The following ALK variants were observed in gnomAD, a reference collection of about 807,000 sequenced individuals.
ALK encodes the protein ALK tyrosine kinase receptor.
A neutral mutation model predicts 163.1 loss-of-function variants in ALK; 74 were observed. The ratio of observed to expected loss-of-function variants is 0.45; its 90% CI spans 0.38 to 0.55. The LOEUF is 0.55. ALK is among the 20% of genes least tolerant of loss of function. ALK has a pLI of 0.00. For synonymous variants in ALK, 960 were observed against 843.2 expected (o/e 1.14, Z -2.40); for missense variants, 2,063 against 2,105.3 (o/e 0.98, Z 0.39).
chr2:29,732,158 C>G (rs1679762535), intron 1 of ALK, among the ~76,000 whole-genome samples: 1 of 152,202 alleles, frequency 6.6e-6, no homozygotes, highest in Non-Finnish European at 1.5e-5. Context: ...GACTCATAAC[C>G]AAACCCAGCC....
At chr2:29,727,776 GTCACCTTTGTTGCT>G (rs1400380855) in intron 1 of ALK, among the ~76,000 whole-genome samples, 1 of 152,206 alleles carries the variant, frequency 6.6e-6, no homozygotes, top group East Asian at 1.9e-4. Flanking sequence ...CTGGTGCTAT[GTCACCTTTGTTGCT>G]TCCATTCATC....
intron 4 of ALK, among the ~76,000 whole-genome samples, chr2:29,451,235 T>A (rs1410588864): frequency 1.3e-5 from 2 of 152,144 alleles, no homozygotes; most frequent in African/African-American, 4.8e-5. Flanking sequence ...CTACTGCAAA[T>A]AGATTTCCCA....
chr2:29,538,010 C>A (rs1190358172), intron 3 of ALK, among the ~76,000 whole-genome samples: 1 of 152,216 alleles, frequency 6.6e-6, no homozygotes, highest in Non-Finnish European at 1.5e-5. Context: ...AATGCCTGTA[C>A]CACCATCGTA....
intron 24 of ALK, among the ~76,000 whole-genome samples, chr2:29,211,393 A>G (rs142671758): frequency 8.1e-4 from 124 of 152,368 alleles, no homozygotes; most frequent in African/African-American, 2.9e-3. Flanking sequence ...AAGTCTTTAC[A>G]CTGATGTGTA....
At chr2:29,359,424 C>G (rs1337457079) in intron 5 of ALK, among the ~76,000 whole-genome samples, 1 of 152,204 alleles carries the variant, frequency 6.6e-6, no homozygotes, top group African/African-American at 2.4e-5. Context: ...GGGTTGGTGT[C>G]CAGGACTTCT....
intron 11 of ALK, among the ~76,000 whole-genome samples, chr2:29,264,211 A>C (rs1665156545): frequency 6.6e-6 from 1 of 152,220 alleles, no homozygotes; most frequent in African/African-American, 2.4e-5. Flanking sequence ...TTCACCGTCA[A>C]GGCCTTCAGA....
intron 3 of ALK, among the ~76,000 whole-genome samples, chr2:29,684,379 C>T (rs1322382510): frequency 1.3e-5 from 2 of 152,184 alleles, no homozygotes; most frequent in African/African-American, 2.4e-5. Flanking sequence ...CCAACGCCAA[C>T]CCAGCACTCA....
intron 1 of ALK, among the ~76,000 whole-genome samples, chr2:29,758,472 A>T (rs1357109490): frequency 6.6e-6 from 1 of 152,138 alleles, no homozygotes; most frequent in Non-Finnish European, 1.5e-5. Context: ...TGTGTCTGGG[A>T]TGGTGATTTG....
chr2:29,367,774 G>A (rs564742875), intron 5 of ALK, among the ~76,000 whole-genome samples: 1 of 152,242 alleles, frequency 6.6e-6, no homozygotes, highest in East Asian at 1.9e-4. Context: ...TTATTATATT[G>A]GCAGGGGAGA....
intron 8 of ALK, among the ~76,000 whole-genome samples, chr2:29,300,909 C>A (rs142191924): frequency 6.6e-6 from 1 of 152,080 alleles, no homozygotes; most frequent in African/African-American, 2.4e-5. Context: ...GCAATAGGAC[C>A]AAGTTTGGAG....
intron 11 of ALK, among the ~76,000 whole-genome samples, chr2:29,261,753 G>A (rs972733630): frequency 6.6e-6 from 1 of 152,100 alleles, no homozygotes; most frequent in African/African-American, 2.4e-5. Flanking sequence ...ATATTTTATA[G>A]TGACTCTGTC....
intron 12 of ALK, among the ~76,000 whole-genome samples, chr2:29,250,144 C>T (rs1323379231): frequency 6.6e-6 from 1 of 152,182 alleles, no homozygotes; most frequent in Non-Finnish European, 1.5e-5. Flanking sequence ...ACACTGTTCC[C>T]ACAAGGCATA....
chr2:29,735,976 C>T (rs1012351239), intron 1 of ALK, among the ~76,000 whole-genome samples: 2 of 151,988 alleles, frequency 1.3e-5, no homozygotes, highest in African/African-American at 4.8e-5. Context: ...TTATAATTAC[C>T]CCTATTTTGC....
chr2:29,534,928 C>T (rs895576643), intron 3 of ALK, among the ~76,000 whole-genome samples: 11 of 152,144 alleles, frequency 7.2e-5, no homozygotes, highest in East Asian at 1.9e-4. Context: ...TATCAATAAG[C>T]GACTGAGCTT....
At chr2:29,454,956 G>A (rs1010907110) in intron 4 of ALK, among the ~76,000 whole-genome samples, 1 of 152,160 alleles carries the variant, frequency 6.6e-6, no homozygotes. Flanking sequence ...AGATGAGGAA[G>A]CGGGCTCAGA....
chr2:29,316,964 C>A (rs1224647348), intron 8 of ALK, among the ~76,000 whole-genome samples: 1 of 152,150 alleles, frequency 6.6e-6, no homozygotes, highest in East Asian at 1.9e-4. Context: ...CATTTGCTTG[C>A]CAAGTGGAGC....
At chr2:29,226,754 C>T (rs1196247269) in intron 18 of ALK, among the ~76,000 whole-genome samples, 168 bp downstream of exon 18, 1 of 152,154 alleles carries the variant, frequency 6.6e-6, no homozygotes, top group Non-Finnish European at 1.5e-5. Flanking sequence ...GGAGCCATGA[C>T]CCACCTTTCA....
intron 12 of ALK, among the ~76,000 whole-genome samples, chr2:29,249,203 C>T (rs1664757860): frequency 6.6e-6 from 1 of 152,198 alleles, no homozygotes; most frequent in African/African-American, 2.4e-5. Context: ...AGAGTTTGTC[C>T]CCCTCTGTGG....
chr2:29,439,488 A>G (rs765783962), intron 4 of ALK, among the ~76,000 whole-genome samples: 6 of 152,208 alleles, frequency 3.9e-5, no homozygotes, highest in African/African-American at 1.2e-4. Context: ...CGCTGCTCAC[A>G]GGACAGACAG....
Sources: gnomAD v4.1 joint callset for allele counts (sites outside exome capture counted in the v4.1 genomes callset) on GRCh38, gnomAD v4.1.1 for gene constraint, MANE v1.5 for transcripts, NCBI Gene and HGNC (gene_info 2026-07-23, HGNC 2026-07-21) for gene names.